The following FRK variants were observed in gnomAD, a reference collection of about 807,000 sequenced individuals.
FRK encodes the protein tyrosine-protein kinase FRK.
In FRK, 51 loss-of-function variants were observed where a neutral mutation model predicts 56.4. That is an observed-to-expected ratio of 0.90 (90% CI 0.72 to 1.14). The LOEUF (loss-of-function observed/expected upper bound fraction) is 1.14, where lower values mean the gene tolerates loss of function less well. FRK is among the 50% of genes most tolerant of loss of function. The pLI, the probability that FRK is intolerant of heterozygous loss-of-function variation, is 0.00. For synonymous variants in FRK, 245 were observed against 217.9 expected (o/e 1.12, Z -1.10); for missense variants, 570 against 601.4 (o/e 0.95, Z 0.55).
chr6:116,024,233 A>G (rs551122850), intron 1 of FRK, among the ~76,000 whole-genome samples: 74 of 151,846 alleles, frequency 4.9e-4, no homozygotes, highest in African/African-American at 1.7e-3. Context: ...TTATTTATTT[A>G]TTTACTTATT....
At chr6:115,980,525 A>G in intron 2 of FRK, among the ~76,000 whole-genome samples, 1 of 152,182 alleles carries the variant, frequency 6.6e-6, no homozygotes, top group East Asian at 1.9e-4. Flanking sequence ...AAATTTGCCA[A>G]CATGAAAATA....
intron 2 of FRK, among the ~76,000 whole-genome samples, chr6:115,982,664 A>C (rs1774244010): frequency 6.6e-6 from 1 of 152,126 alleles, no homozygotes; most frequent in African/African-American, 2.4e-5. Flanking sequence ...TGAATTACTC[A>C]GTCCTATCCA....
Position 115,956,476 on chromosome 6 carries a change from C to A in FRK, c.934G>T (p.Gly312Ter). ...IYIITELMRH[G>*]SLQEYLQNDT... ...CTTTGGAGATATTCTTGCAGACTTC[C>A]ATGTCTCATCAACTCTGTAATAATA... The change falls in exon 5 of 8, where the codon GGA becomes TGA. Residue 312 changes from glycine (G) to a stop codon, truncating the protein, a stop_gained. Transcript: ENST00000606080. LOFTEE classifies it high-confidence loss of function. The A allele has an allele frequency of 6.5e-7, 1 of 1,548,364 alleles. No homozygotes were observed. The highest frequency in any genetic ancestry group is 1.3e-5 in the South Asian group (1 of 76,342).
At chr6:116,076,661 T>G in the FRK span, among the ~76,000 whole-genome samples, 3 of 152,202 alleles carry the variant, frequency 2.0e-5, no homozygotes, top group African/African-American at 7.2e-5. Flanking sequence ...TAAGTGAGCT[T>G]AACTGCTCAA....
the FRK span, among the ~76,000 whole-genome samples, chr6:116,095,724 T>C: frequency 6.6e-6 from 1 of 152,196 alleles, no homozygotes; most frequent in Admixed American, 6.5e-5. Flanking sequence ...AATAACAAAA[T>C]CTATCCAGTA....
At chr6:115,957,286 C>A (rs1488936484) in intron 4 of FRK, among the ~76,000 whole-genome samples, 1 of 152,182 alleles carries the variant, frequency 6.6e-6, no homozygotes, top group Non-Finnish European at 1.5e-5. Context: ...ATTTAGAAGA[C>A]TTGTCTGCAA....
intron 1 of FRK, among the ~76,000 whole-genome samples, chr6:116,041,458 C>T (rs116842250): frequency 0.013 from 1,949 of 152,248 alleles, 23 homozygotes; most frequent in Non-Finnish European, 0.02. Flanking sequence ...AAGTCGTGCG[C>T]AAGATGGCTG....
chr6:115,994,920 A>C (rs895591754), intron 2 of FRK, among the ~76,000 whole-genome samples: 1 of 152,126 alleles, frequency 6.6e-6, no homozygotes, highest in African/African-American at 2.4e-5. Context: ...GTGCCTAGGG[A>C]AGGGCCAGAT....
chr6:116,022,352 A>G (rs1280161767), intron 1 of FRK, among the ~76,000 whole-genome samples: 1 of 152,106 alleles, frequency 6.6e-6, no homozygotes, highest in Non-Finnish European at 1.5e-5. Context: ...CCAAAATCAT[A>G]GAGAATCATC....
At chr6:116,058,705 T>C (rs1216573417) in intron 1 of FRK, among the ~76,000 whole-genome samples, 1 of 151,862 alleles carries the variant, frequency 6.6e-6, no homozygotes, top group Non-Finnish European at 1.5e-5. Context: ...GGTCAGGAGA[T>C]CGAGACCATC....
intron 1 of FRK, among the ~76,000 whole-genome samples, chr6:116,033,809 A>G (rs1476581378): frequency 6.6e-6 from 1 of 152,136 alleles, no homozygotes; most frequent in African/African-American, 2.4e-5. Flanking sequence ...TGGGTTGAGC[A>G]TAGACTGTAT....
At chr6:115,988,088 A>C (rs1774457188) in intron 2 of FRK, among the ~76,000 whole-genome samples, 1 of 152,092 alleles carries the variant, frequency 6.6e-6, no homozygotes, top group Admixed American at 6.6e-5. Context: ...CTTTTAAGAC[A>C]ACAAAATAGT....
the FRK span, among the ~76,000 whole-genome samples, chr6:116,085,065 A>T: frequency 6.6e-6 from 1 of 152,260 alleles, no homozygotes; most frequent in East Asian, 1.9e-4. Context: ...ATTATGAAGG[A>T]TGTGTGAAAG....
At chr6:115,956,659 A>G (rs776159133) in intron 4 of FRK, 49 bp from the exon 5 acceptor site, 15 of 1,371,980 alleles carry the variant, frequency 1.1e-5, no homozygotes, top group Non-Finnish European at 1.5e-5. Context: ...AGGCATTCCT[A>G]TCCTCACAGC....
chr6:116,057,692 A>G (rs1053723092), intron 1 of FRK, among the ~76,000 whole-genome samples: 3 of 152,224 alleles, frequency 2.0e-5, no homozygotes, highest in East Asian at 3.8e-4. Context: ...ACTGACAGGT[A>G]GGAATGCTGC....
rs187503395 is a variant in FRK, at chr6:115,989,779, T to C, written c.466+14098A>G. On this transcript the variant is annotated intron_variant, in intron 2 of 7. Transcript: ENST00000606080. ...GCAGGTGTCTTTTTGGGATAACCATTTCTTTCACTTTGTGTAAATACCCAG... is the reference window on the plus strand; with the variant it reads ...GCAGGTGTCTTTTTGGGATAACCATCTCTTTCACTTTGTGTAAATACCCAG... Among the ~76,000 whole-genome samples the C allele has an allele frequency of 6.2e-4, 94 of 152,116 alleles. No individual in the cohort carries two copies. In the Middle Eastern group the frequency reaches 0.01, roughly 17 times the overall value.
intron 1 of FRK, among the ~76,000 whole-genome samples, chr6:116,056,458 G>A (rs1377085085): frequency 2.0e-5 from 3 of 152,144 alleles, no homozygotes; most frequent in Middle Eastern, 3.4e-3. Context: ...CTGGACACAG[G>A]TGATCCTCCC....
the FRK span, among the ~76,000 whole-genome samples, chr6:116,066,418 C>G: frequency 6.6e-6 from 1 of 150,394 alleles, no homozygotes; most frequent in Admixed American, 6.9e-5. Context: ...AATAAACTCC[C>G]CTTTATATAT....
chr6:116,084,898 A>G, the FRK span, among the ~76,000 whole-genome samples: 3 of 152,332 alleles, frequency 2.0e-5, no homozygotes, highest in South Asian at 2.1e-4. Flanking sequence ...AAAAGAAGTG[A>G]TAAGATAATG....
Sources: allele counts gnomAD v4.1 joint callset (sites outside exome capture counted in the v4.1 genomes callset), GRCh38; gene constraint gnomAD v4.1.1; transcripts MANE v1.5; gene names NCBI Gene and HGNC (gene_info 2026-07-23, HGNC 2026-07-21).